The following IRAG2 variants were observed in gnomAD, a reference collection of about 807,000 sequenced individuals.
The protein encoded by IRAG2 is lymphoid restricted membrane protein.
In IRAG2, 45 loss-of-function variants were observed where a neutral mutation model predicts 69.9. That is an observed-to-expected ratio of 0.64 (90% CI 0.51 to 0.83). The LOEUF (loss-of-function observed/expected upper bound fraction) is 0.83, where lower values mean the gene tolerates loss of function less well. Ranked by LOEUF, IRAG2 falls within the 40% of genes least tolerant of loss-of-function variation. The pLI, the probability that IRAG2 is intolerant of heterozygous loss-of-function variation, is 0.00. For synonymous variants in IRAG2, 193 were observed against 202.4 expected (o/e 0.95, Z 0.40); for missense variants, 520 against 587.0 (o/e 0.89, Z 1.18).
At chr12:25,026,718 A>G in intron 8 of IRAG2, 1 of 717,028 alleles carries the variant, frequency 1.4e-6, no homozygotes, top group Non-Finnish European at 1.9e-6. Flanking sequence ...CACCTCCTAA[A>G]AGAGACTTTG....
chr12:25,104,265 CAT>C (rs1948913854), intron 19 of IRAG2, 94 bp from the exon 20 acceptor site: 2 of 928,718 alleles, frequency 2.2e-6, no homozygotes, highest in East Asian at 5.1e-5. Flanking sequence ...ATAATTAGGA[CAT>C]ATAATTTTGT....
At chr12:25,021,082 C>A in intron 7 of IRAG2, 3 of 328,942 alleles carry the variant, frequency 9.1e-6, no homozygotes, top group East Asian at 8.4e-5. Flanking sequence ...CCTTTTCTTT[C>A]TTTCTTTTCT....
In IRAG2 at chr12:25,101,324, T is replaced by C. The variant is rs745853421; in HGVS notation, c.888T>C (p.Asp296=). 26 of 1,589,540 alleles carry C rather than the reference T, an allele frequency of 1.6e-5. 1 individual carries two copies. Among genetic ancestry groups the C allele is most frequent in the Middle Eastern group, 3.4e-4 (2 of 5,952 alleles). The change falls in exon 16 of 22, where the codon GAT becomes GAC. Residue 296 remains aspartate, a splice_region_variant and synonymous_variant. Coordinates refer to ENST00000556887, the MANE Select transcript of IRAG2 (RefSeq NM_001366544.2). ...NERSFNPLED[D]DDCQIKKRSA... ...GGTCTTTCAATCCTCTTGAAGATGA[T>C]GGTAATAAAAGTTTATGATAATAGT... is the stretch of plus-strand genomic sequence containing the variant.
chr12:25,071,095 A>G (rs1946307701), intron 6 of IRAG2, among the ~76,000 whole-genome samples: 1 of 152,134 alleles, frequency 6.6e-6, no homozygotes, highest in Admixed American at 6.5e-5. Flanking sequence ...AAGGAAATGA[A>G]TCTATTTTGC....
chr12:25,077,351 T>TGAAATATATGA (rs1491219519), intron 6 of IRAG2, among the ~76,000 whole-genome samples: 1 of 30,938 alleles, frequency 3.2e-5, no homozygotes, highest in African/African-American at 8.7e-5. Flanking sequence ...AATATATATA[T>TGAAATATATGA]GATATATATG....
At chr12:25,077,328 G>GAA (rs1323695370) in intron 6 of IRAG2, among the ~76,000 whole-genome samples, 1,616 of 10,582 alleles carry the variant, frequency 0.15, 209 homozygotes, top group Non-Finnish European at 0.22. Context: ...ATATATATAT[G>GAA]ATATATATAT....
intron 15 of IRAG2, 70 bp downstream of exon 15, chr12:25,097,114 T>C: frequency 6.9e-7 from 1 of 1,458,770 alleles, no homozygotes; most frequent in Non-Finnish European, 9.2e-7. Flanking sequence ...AGACTATGGA[T>C]TTCTCACTTC....
intron 9 of IRAG2, among the ~76,000 whole-genome samples, chr12:25,027,685 C>T (rs895266229): frequency 6.6e-6 from 1 of 152,146 alleles, no homozygotes; most frequent in Non-Finnish European, 1.5e-5. Flanking sequence ...TGAGCCACTG[C>T]ACCCGGCTGT....
chr12:25,067,498 A>G lies in IRAG2; in HGVS notation c.-59+986A>G, dbSNP rs192145557. ...GGTCCCTGCTTGAGATGCCCCTTGC[A>G]GGTTCCAGACTGTGACCTGTGCTTC... On this transcript the variant is annotated intron_variant, in intron 5 of 21. Transcript: ENST00000556887. 2.3e-3 allele frequency among the ~76,000 whole-genome samples: 355 copies of G among 152,268 alleles called. 2 individuals carry two copies. The highest frequency in any genetic ancestry group is 8.0e-3 in the African/African-American group (333 of 41,566).
intron 8 of IRAG2, among the ~76,000 whole-genome samples, chr12:25,025,880 A>G (rs1481498377): frequency 7.9e-5 from 12 of 152,126 alleles, no homozygotes; most frequent in Admixed American, 7.9e-4. Context: ...GAGAGTGAGG[A>G]TGTTGGAGGG....
Position 25,088,091 on chromosome 12 carries a change from T to C in IRAG2, c.316-9T>C. ...CTCTATGTACAGTGGTAAAATCTTA[T>C]GATTTTAGGAAGCCAAAGAGGAACC... On this transcript the variant is annotated splice_polypyrimidine_tract_variant and intron_variant, in intron 10 of 21. Coordinates refer to ENST00000556887, the MANE Select transcript of IRAG2 (RefSeq NM_001366544.2). 1 of 1,594,656 alleles carries C rather than the reference T, an allele frequency of 6.3e-7. No homozygotes were observed. The highest frequency in any genetic ancestry group is 8.6e-7 in the Non-Finnish European group (1 of 1,162,306).
chr12:25,030,909 A>G, intron 10 of IRAG2: 1 of 469,164 alleles, frequency 2.1e-6, no homozygotes, highest in Non-Finnish European at 2.8e-6. Flanking sequence ...GAAGAAGAAT[A>G]TATACCCAAA....
intron 5 of IRAG2, among the ~76,000 whole-genome samples, chr12:25,015,707 G>T (rs745823548): frequency 4.6e-5 from 7 of 152,196 alleles, no homozygotes; most frequent in African/African-American, 7.2e-5. Flanking sequence ...GTAGGGAAAA[G>T]TTCCACCTGA....
intron 1 of IRAG2, among the ~76,000 whole-genome samples, chr12:25,056,900 A>G (rs529915534): frequency 6.6e-6 from 1 of 152,264 alleles, no homozygotes; most frequent in Admixed American, 6.5e-5. Flanking sequence ...CTCCCTCCCC[A>G]GAGTCACTCT....
rs1944918154 is a variant in IRAG2 at position 25,052,735 on chromosome 12, T to C, written c.-668T>C. The C allele has an allele frequency of 3.3e-5, 13 of 398,424 alleles. No individual in the cohort carries two copies. The East Asian group carries it at 4.3e-4, about 13-fold the overall frequency. The allele number at this position is 398,424 out of a possible 1,614,324, so 24.7% of individuals were successfully genotyped here. A position where few individuals can be genotyped will look rare whatever the true frequency, so the allele number is the denominator to read the frequency against. On this transcript the variant is annotated 5_prime_UTR_variant, in exon 1 of 22. Transcript: ENST00000556887. ...TTGCCTGCATCATAAGAGTGAGCAC[T>C]CCATTGCTTTCTTTCCTGGCCACAC...
upstream of IRAG2, among the ~76,000 whole-genome samples, chr12:25,050,900 C>A (rs1056183668): frequency 1.5e-5 from 2 of 130,412 alleles, no homozygotes; most frequent in Admixed American, 1.8e-4. Context: ...CTGCACGATC[C>A]CACTTCTCTG....
At chr12:25,050,515 G>A (rs1465955623), upstream of IRAG2, among the ~76,000 whole-genome samples, 3 of 120,438 alleles carry the variant, frequency 2.5e-5, no homozygotes, top group South Asian at 9.7e-4. Flanking sequence ...GAGACAGAGC[G>A]AGACTCCGTC....
chr12:25,103,780 C>A, intron 17 of IRAG2, 57 bp from the exon 18 acceptor site: 2 of 1,203,560 alleles, frequency 1.7e-6, no homozygotes, highest in Middle Eastern at 2.4e-4. Context: ...ATTGGTGTTG[C>A]ATATAATGAT....
At chr12:25,065,986 A>G (rs1945957530) in intron 4 of IRAG2, among the ~76,000 whole-genome samples, 1 of 152,138 alleles carries the variant, frequency 6.6e-6, no homozygotes, top group Admixed American at 6.5e-5. Context: ...AAACTTTACA[A>G]AAACAGGCAG....
Sources: gnomAD v4.1 joint callset for allele counts (sites outside exome capture counted in the v4.1 genomes callset) on GRCh38, gnomAD v4.1.1 for gene constraint, MANE v1.5 for transcripts, NCBI Gene and HGNC (gene_info 2026-07-23, HGNC 2026-07-21) for gene names.